Variants in ELN observed in about 807,000 individuals in gnomAD.
The protein encoded by ELN is tropoelastin.
A neutral mutation model predicts 105.8 loss-of-function variants in ELN; 65 were observed. That is an observed-to-expected ratio of 0.61 (90% CI 0.50 to 0.75). The LOEUF is 0.75. Among genes scored for constraint, ELN ranks in the 30% least tolerant of loss-of-function variants. The probability of loss-of-function intolerance (pLI) is 0.00; values close to 1 mark genes in which losing one functional copy is unlikely to be tolerated. For missense variants in ELN, 882 were observed against 969.4 expected (o/e 0.91, Z 1.20); for synonymous variants, 368 against 389.2 (o/e 0.95, Z 0.64).
chr7:74,032,942 C>T (rs1789029846), intron 1 of ELN, among the ~76,000 whole-genome samples: 1 of 152,210 alleles, frequency 6.6e-6, no homozygotes, highest in Non-Finnish European at 1.5e-5. Flanking sequence ...ACGGACTGTG[C>T]AGTGAAATGG....
chr7:74,028,799 G>T (rs1199914556), intron 1 of ELN, among the ~76,000 whole-genome samples: 2 of 152,226 alleles, frequency 1.3e-5, no homozygotes, highest in South Asian at 2.1e-4. Context: ...GGATGGGTTT[G>T]CAGGTTGGGA....
intron 26 of ELN, 59 bp downstream of exon 26, chr7:74,061,198 C>G (rs1554684298): frequency 1.2e-6 from 2 of 1,607,234 alleles, no homozygotes; most frequent in African/African-American, 2.7e-5. Flanking sequence ...CCTGACAGCA[C>G]AGGACTGGGG....
At chr7:74,038,305 C>T (rs1192221255) in intron 4 of ELN, among the ~76,000 whole-genome samples, 8 of 152,214 alleles carry the variant, frequency 5.3e-5, no homozygotes, top group Admixed American at 3.9e-4. Context: ...CAGGCTGAAC[C>T]CTGACCCTGC....
At chr7:74,049,529 C>A (rs892094902) in intron 15 of ELN, among the ~76,000 whole-genome samples, 2 of 151,936 alleles carry the variant, frequency 1.3e-5, no homozygotes, top group Admixed American at 1.3e-4. Flanking sequence ...AACCATTCCT[C>A]CATGCATCCA....
chr7:74,034,194 C>A (rs1789379999), intron 1 of ELN, among the ~76,000 whole-genome samples: 1 of 152,232 alleles, frequency 6.6e-6, no homozygotes, highest in Non-Finnish European at 1.5e-5. Flanking sequence ...TGACCTCACG[C>A]CGTCCTATCA....
At chr7:74,040,569 C>T (rs552574623) in intron 4 of ELN, among the ~76,000 whole-genome samples, 4 of 152,302 alleles carry the variant, frequency 2.6e-5, no homozygotes, top group East Asian at 3.9e-4. Flanking sequence ...TAGGAGAGAT[C>T]GTCACATAAT....
At chr7:74,065,911 T>C in intron 30 of ELN, 33 bp from the exon 31 acceptor site, 1 of 1,613,856 alleles carries the variant, frequency 6.2e-7, no homozygotes, top group Non-Finnish European at 8.5e-7. Context: ...CCGATGGGGG[T>C]GTCTTATCCT....
At chr7:74,068,280 C>G (rs952371725) in intron 32 of ELN, among the ~76,000 whole-genome samples, 3 of 152,154 alleles carry the variant, frequency 2.0e-5, no homozygotes, top group African/African-American at 7.2e-5. Context: ...CTGAGAGGGC[C>G]GTCTCCTGCA....
Position 74,060,478 on chromosome 7 carries a change from C to G in ELN, c.1724C>G (p.Ala575Gly). The change falls in exon 25 of 33, where the codon GCT becomes GGT. Residue 575 changes from alanine (A) to glycine (G), a missense_variant. Transcript: ENST00000252034. The stretch of plus-strand genomic sequence containing the variant: ...GGTGTTCCTGGACTTGGAGTTGGTG[C>G]TGGTGTTCCTGGCTTCGGGGCAGGT... ...GAGVPGLGVG[A>G]GVPGFGAVPG... 6.2e-7 allele frequency: 1 copy of G among 1,614,216 alleles called. No homozygotes were observed. The highest frequency in any genetic ancestry group is 8.5e-7 in the Non-Finnish European group (1 of 1,180,024).
intron 32 of ELN, 135 bp from the exon 33 acceptor site, chr7:74,068,522 A>G: frequency 1.0e-6 from 1 of 1,004,742 alleles, no homozygotes; most frequent in Non-Finnish European, 1.5e-6. Context: ...ATCAGGTCTG[A>G]GTTTGGCCTG....
chr7:74,037,171 A>C (rs1554666242), intron 3 of ELN, among the ~76,000 whole-genome samples: 1 of 147,588 alleles, frequency 6.8e-6, no homozygotes, highest in East Asian at 2.0e-4. Flanking sequence ...CCTCCCTGCC[A>C]AGCCGGCTGA....
At position 74,069,051 on chromosome 7, in the gene ELN, G is replaced by A; in HGVS notation, c.*351G>A. On this transcript the variant is annotated 3_prime_UTR_variant, in exon 33 of 33. Coordinates refer to ENST00000252034, the MANE Select transcript of ELN (RefSeq NM_000501.4). ...CTGGGGGGAGGGAGGAGGGAAGGGT[G>A]GCCCCTCGGGGAACCCCCTACCTGG... 2.4e-6 allele frequency: 1 copy of A among 419,456 alleles called. No individual in the cohort carries two copies. Among genetic ancestry groups the A allele is most frequent in the South Asian group, 2.6e-5 (1 of 38,834 alleles). 26.0% of individuals were successfully genotyped at this position (419,456 alleles called of 1,614,324 possible). A position where few individuals can be genotyped will look rare whatever the true frequency, so the allele number is the denominator to read the frequency against.
chr7:74,056,921 C>T (rs946301240), intron 21 of ELN, among the ~76,000 whole-genome samples: 2 of 151,996 alleles, frequency 1.3e-5, no homozygotes, highest in African/African-American at 4.8e-5. Flanking sequence ...ACTGGCTCAT[C>T]ACCCCACCCC....
In ELN at chr7:74,060,136, T is replaced by C. The variant is rs1554683264; in HGVS notation, c.1577-4T>C. The C allele has an allele frequency of 2.2e-5, 36 of 1,613,978 alleles. No homozygotes were observed. Among genetic ancestry groups the C allele is most frequent in the Non-Finnish European group, 3.1e-5 (36 of 1,180,038 alleles). On this transcript the variant is annotated splice_polypyrimidine_tract_variant and splice_region_variant and intron_variant, in intron 23 of 32. Coordinates refer to ENST00000252034, the MANE Select transcript of ELN (RefSeq NM_000501.4). The stretch of plus-strand genomic sequence containing the variant: ...TCTAATCCCCCTCTCTCTCCCTCCC[T>C]CAGCTGCAGCAAAATCCGCTGCCAA...
At chr7:74,066,875 A>G in intron 32 of ELN, 99 bp downstream of exon 32, 1 of 1,346,086 alleles carries the variant, frequency 7.4e-7, no homozygotes. Flanking sequence ...CTGAGCCAGC[A>G]CCCAGGGGTG....
intron 29 of ELN, among the ~76,000 whole-genome samples, chr7:74,065,081 AC>A (rs2132622729): frequency 6.6e-6 from 1 of 151,592 alleles, no homozygotes; most frequent in East Asian, 1.9e-4. Context: ...CCCCACCACC[AC>A]CTCTACGAAA....
At position 74,063,779 on chromosome 7, in the gene ELN, T is replaced by C. The variant is rs2132524924; in HGVS notation, c.1993+84T>C. 3 of 1,581,068 alleles carry C rather than the reference T, an allele frequency of 1.9e-6. No individual in the cohort carries two copies. The highest frequency in any genetic ancestry group is 2.6e-6 in the Non-Finnish European group (3 of 1,153,000). On this transcript the variant is annotated intron_variant, in intron 29 of 32. Coordinates refer to ENST00000252034, the MANE Select transcript of ELN (RefSeq NM_000501.4). This position sits in a 1 kb window ranked among gnomAD's most constrained non-coding sequence, Gnocchi z 4.1. Reference sequence around the variant, plus strand: ...GAGACAGAGACAGAGACAGAGACTTTCGTTCCCACCCCTGGCACGTCTTTG... The same window carrying C: ...GAGACAGAGACAGAGACAGAGACTTCCGTTCCCACCCCTGGCACGTCTTTG...
chr7:74,065,757 T>C, intron 30 of ELN, 25 bp downstream of exon 30: 1 of 1,614,070 alleles, frequency 6.2e-7, no homozygotes, highest in Non-Finnish European at 8.5e-7. Context: ...GATGCCTTCC[T>C]GCCAGTGGCC....
intron 21 of ELN, among the ~76,000 whole-genome samples, chr7:74,057,090 T>C (rs1386000274): frequency 6.6e-6 from 1 of 151,898 alleles, no homozygotes; most frequent in Non-Finnish European, 1.5e-5. Flanking sequence ...ATACAAAAAT[T>C]AGCTGGGCAT....
Sources: gnomAD v4.1 joint callset for allele counts (sites outside exome capture counted in the v4.1 genomes callset) on GRCh38, gnomAD v4.1.1 for gene constraint, Gnocchi (gnomAD v3.1) non-coding constraint, MANE v1.5 for transcripts, NCBI Gene and HGNC (gene_info 2026-07-23, HGNC 2026-07-21) for gene names.